The following EVA1C variants were observed in gnomAD, a reference collection of about 807,000 sequenced individuals.
EVA1C encodes the protein protein eva-1 homolog C.
Under a neutral mutation model 45.4 loss-of-function variants are expected in EVA1C, and 25 were observed. That is an observed-to-expected ratio of 0.55 (90% CI 0.40 to 0.77). The LOEUF (loss-of-function observed/expected upper bound fraction) is 0.77, where lower values mean the gene tolerates loss of function less well. Ranked by LOEUF, EVA1C falls within the 30% of genes least tolerant of loss-of-function variation. The pLI is 0.00. For missense variants in EVA1C, 479 were observed against 554.8 expected (o/e 0.86, Z 1.37); for synonymous variants, 190 against 221.2 (o/e 0.86, Z 1.25).
intron 3 of EVA1C, among the ~76,000 whole-genome samples, chr21:32,466,805 T>C (rs2036190556): frequency 6.7e-6 from 1 of 149,954 alleles, no homozygotes; most frequent in Non-Finnish European, 1.5e-5. Context: ...TTTGATTTGG[T>C]ATCATACCAT....
intron 7 of EVA1C, among the ~76,000 whole-genome samples, chr21:32,509,671 G>A (rs1229285525): frequency 6.6e-6 from 1 of 152,126 alleles, no homozygotes; most frequent in Non-Finnish European, 1.5e-5. Flanking sequence ...GGAGAGAAAG[G>A]ATGGCACCCA....
intron 5 of EVA1C, among the ~76,000 whole-genome samples, chr21:32,498,222 G>T (rs1455160671): frequency 6.6e-6 from 1 of 152,268 alleles, no homozygotes; most frequent in East Asian, 1.9e-4. Flanking sequence ...CGAGGCGGGC[G>T]CATCATCTGA....
chr21:32,464,280 G>T (rs966757804), intron 3 of EVA1C, among the ~76,000 whole-genome samples: 2 of 152,170 alleles, frequency 1.3e-5, no homozygotes, highest in Non-Finnish European at 2.9e-5. Context: ...GGTTCTTCCT[G>T]CGTGTTAAAC....
chr21:32,483,810 T>G (rs1336990344), intron 4 of EVA1C, among the ~76,000 whole-genome samples: 1 of 152,150 alleles, frequency 6.6e-6, no homozygotes, highest in Non-Finnish European at 1.5e-5. Flanking sequence ...TGATTCTTTT[T>G]ATCAGGCTTG....
chr21:32,438,432 G>T (rs2146195774), intron 1 of EVA1C, among the ~76,000 whole-genome samples: 1 of 145,362 alleles, frequency 6.9e-6, no homozygotes, highest in East Asian at 2.1e-4. Flanking sequence ...GAGAGGCAGA[G>T]GTTGCAATCA....
intron 4 of EVA1C, among the ~76,000 whole-genome samples, chr21:32,478,716 GGCTGGGCCTGAGGCCGCCA>G (rs1442459953): frequency 9.1e-3 from 1 of 110 alleles, no homozygotes; most frequent in Non-Finnish European, 0.022. Flanking sequence ...TTTTCCCGAA[GGCTGGGCCTGAGGCCGCCA>G]GGCTTCAGAA....
intron 4 of EVA1C, among the ~76,000 whole-genome samples, chr21:32,494,761 G>A (rs1211643525): frequency 1.4e-5 from 2 of 141,500 alleles, no homozygotes; most frequent in East Asian, 2.1e-4. Context: ...CAGCCTGGGC[G>A]ACAGAACAAG....
chr21:32,486,149 G>A (rs1335437569), intron 4 of EVA1C, among the ~76,000 whole-genome samples: 1 of 152,170 alleles, frequency 6.6e-6, no homozygotes, highest in Non-Finnish European at 1.5e-5. Context: ...TTGAGAAGGA[G>A]TTTCACTCTT....
intron 1 of EVA1C, among the ~76,000 whole-genome samples, chr21:32,417,623 G>A (rs928124122): frequency 9.9e-5 from 15 of 152,202 alleles, no homozygotes; most frequent in African/African-American, 3.6e-4. Context: ...CTGACTGATA[G>A]CTCTTTATTT....
chr21:32,488,754 A>G (rs1004388946), intron 4 of EVA1C, among the ~76,000 whole-genome samples: 7 of 151,932 alleles, frequency 4.6e-5, no homozygotes, highest in Admixed American at 4.6e-4. Flanking sequence ...CCTGGCTAAT[A>G]TTTGTGTTTT....
Position 32,419,180 on chromosome 21 carries a change from G to A in EVA1C, c.160+6167G>A, listed in dbSNP as rs185513734. Among the ~76,000 whole-genome samples the A allele has an allele frequency of 3.1e-3, 473 of 152,106 alleles. 2 individuals are homozygous for A. Among genetic ancestry groups the A allele is most frequent in the Non-Finnish European group, 5.4e-3 (364 of 68,014 alleles). ...GGGGGTGCATGGGAAGGTTTGTTGCGTAGATGAGTTCATGAGTTAAAAAAA... is the reference window on the plus strand; with the variant it reads ...GGGGGTGCATGGGAAGGTTTGTTGCATAGATGAGTTCATGAGTTAAAAAAA... On this transcript the variant is annotated intron_variant, in intron 1 of 7. Coordinates refer to ENST00000300255, the MANE Select transcript of EVA1C (RefSeq NM_058187.5).
In EVA1C at chr21:32,500,907, G is replaced by T. The variant is rs149977294; in HGVS notation, c.779-508G>T. Among the ~76,000 whole-genome samples, 214 of 152,134 alleles carry T rather than the reference G, an allele frequency of 1.4e-3. 1 individual carries two copies. Among genetic ancestry groups the T allele is most frequent in the African/African-American group, 4.3e-3 (177 of 41,480 alleles). The stretch of plus-strand genomic sequence containing the variant: ...GCTCACTGCAACCTCTGCCTCCCGT[G>T]TTCAAGCAAATTCTCCCTGCTTTAG... On this transcript the variant is annotated intron_variant, in intron 5 of 7. Coordinates refer to ENST00000300255, the MANE Select transcript of EVA1C (RefSeq NM_058187.5).
rs776190126 is a variant in EVA1C, at chr21:32,467,796, G to A, written c.582G>A (p.Arg194=). The change falls in exon 4 of 8, where the codon AGG becomes AGA. Residue 194 remains arginine, a synonymous_variant. Transcript: ENST00000300255. ...LNIYSATYGR[R]TQERDICSSK... is the part of the protein sequence containing the mutation. ...TCTACTCTGCGACCTACGGCAGGAG[G>A]ACCCAGGAAAGGGACATCTGCTCCT... The A allele has an allele frequency of 2.2e-5, 36 of 1,612,862 alleles. 1 individual carries two copies. In the South Asian group the frequency reaches 4.0e-4, roughly 18 times the overall value.
At chr21:32,480,011 T>C (rs2146346709) in intron 4 of EVA1C, among the ~76,000 whole-genome samples, 1 of 152,272 alleles carries the variant, frequency 6.6e-6, no homozygotes, top group South Asian at 2.1e-4. Flanking sequence ...TTAAAAGCCT[T>C]GATGTTTGGA....
intron 1 of EVA1C, among the ~76,000 whole-genome samples, chr21:32,419,335 G>T (rs952818118): frequency 1.3e-5 from 2 of 152,202 alleles, no homozygotes; most frequent in African/African-American, 4.8e-5. Context: ...CCTATTGCCT[G>T]ACTTGCGTAC....
chr21:32,462,738 A>C (rs2036045097), intron 3 of EVA1C, among the ~76,000 whole-genome samples: 1 of 152,240 alleles, frequency 6.6e-6, no homozygotes, highest in Non-Finnish European at 1.5e-5. Context: ...CTTAAACCAC[A>C]AACAGTAGCA....
At chr21:32,439,951 C>T (rs2035112251) in intron 1 of EVA1C, among the ~76,000 whole-genome samples, 1 of 152,032 alleles carries the variant, frequency 6.6e-6, no homozygotes, top group African/African-American at 2.4e-5. Context: ...CCTTAATTTC[C>T]ACCTTGAAGT....
At chr21:32,458,546 A>G (rs1255136943) in intron 3 of EVA1C, among the ~76,000 whole-genome samples, 1 of 150,904 alleles carries the variant, frequency 6.6e-6, no homozygotes, top group East Asian at 2.0e-4. Flanking sequence ...GCAATGCGCA[A>G]TCTCGGCTCA....
intron 7 of EVA1C, among the ~76,000 whole-genome samples, chr21:32,507,624 G>T (rs117444832): frequency 3.0e-4 from 45 of 151,756 alleles, no homozygotes; most frequent in Non-Finnish European, 5.3e-4. Context: ...GTGTACATGC[G>T]TATCTGTGTG....
Sources: gnomAD v4.1 joint callset for allele counts (sites outside exome capture counted in the v4.1 genomes callset) on GRCh38, gnomAD v4.1.1 for gene constraint, MANE v1.5 for transcripts, NCBI Gene and HGNC (gene_info 2026-07-23, HGNC 2026-07-21) for gene names.